PKP1: variants seen among roughly 807,000 people sequenced by gnomAD.
PKP1 encodes the protein plakophilin-1.
In PKP1, 27 loss-of-function variants were observed where a neutral mutation model predicts 76.4. That is an observed-to-expected ratio of 0.35 (90% CI 0.26 to 0.49). The LOEUF (loss-of-function observed/expected upper bound fraction) is 0.49, where lower values mean the gene tolerates loss of function less well. Among genes scored for constraint, PKP1 ranks in the 20% least tolerant of loss-of-function variants. The probability of loss-of-function intolerance (pLI) is 0.99; values close to 1 mark genes in which losing one functional copy is unlikely to be tolerated. For missense variants in PKP1, 964 were observed against 955.2 expected, an observed-to-expected ratio of 1.01 and a Z score of -0.12; for synonymous variants, 404 against 384.2, an observed-to-expected ratio of 1.05 and a Z score of -0.60.
At chr1:201,314,027 G>A (rs558437874) in intron 3 of PKP1, among the ~76,000 whole-genome samples, 1 of 152,348 alleles carries the variant, frequency 6.6e-6, no homozygotes, top group South Asian at 2.1e-4. Flanking sequence ...TCTTAGGCAT[G>A]TAAATCTCTA....
chr1:201,319,941 G>A (rs1656886542), intron 6 of PKP1: 1 of 1,535,598 alleles, frequency 6.5e-7, no homozygotes, highest in Non-Finnish European at 9.0e-7. Context: ...CAGTTATAAA[G>A]TTACTGGGCA....
intron 5 of PKP1, 47 bp downstream of exon 5, chr1:201,317,826 CCA>C (rs772626926): frequency 5.1e-6 from 8 of 1,554,494 alleles, no homozygotes; most frequent in Non-Finnish European, 7.0e-6. Flanking sequence ...CTGTGCAAGG[CCA>C]CTGGCTATGG....
intron 2 of PKP1, among the ~76,000 whole-genome samples, chr1:201,295,605 C>T (rs748390676): frequency 3.3e-5 from 5 of 152,196 alleles, no homozygotes; most frequent in Admixed American, 2.6e-4. Context: ...ACAGATGGTA[C>T]GTGTCTTTAC....
chr1:201,300,213 CA>C (rs1030891431), intron 2 of PKP1, among the ~76,000 whole-genome samples: 1 of 152,254 alleles, frequency 6.6e-6, no homozygotes, highest in African/African-American at 2.4e-5. Flanking sequence ...GGGCCGGCTC[CA>C]GGGGCACCCC....
intron 2 of PKP1, 65 bp from the exon 3 acceptor site, chr1:201,313,101 C>G (rs996483686): frequency 6.5e-7 from 1 of 1,529,520 alleles, no homozygotes; most frequent in African/African-American, 1.4e-5. Flanking sequence ...GTATCTCATG[C>G]CCTGCTGGAT....
intron 2 of PKP1, 128 bp downstream of exon 2, chr1:201,294,173 A>C: frequency 2.8e-6 from 2 of 721,474 alleles, no homozygotes; most frequent in Non-Finnish European, 5.1e-6. Context: ...GTTGAGGCTC[A>C]TCAACTCTGA....
rs72753125 is a variant in PKP1, at chr1:201,316,463, G to A, written c.702-90G>A. On this transcript the variant is annotated intron_variant, in intron 3 of 13. Transcript: ENST00000367324. The stretch of plus-strand genomic sequence containing the variant: ...CTCTCCAGAGGGCAGATGAGGCTGT[G>A]GCAGCTTAGTGTGCTGGGAGGAATT... 4.2e-3 allele frequency: 5,810 copies of A among 1,380,766 alleles called. 11 individuals carry two copies. Among genetic ancestry groups the A allele is most frequent in the Non-Finnish European group, 5.2e-3 (5,182 of 1,002,202 alleles). 85.5% of individuals were successfully genotyped at this position (1,380,766 alleles called of 1,614,324 possible).
At chr1:201,326,685 T>A (rs1273216094) in intron 12 of PKP1, among the ~76,000 whole-genome samples, 1 of 151,824 alleles carries the variant, frequency 6.6e-6, no homozygotes, top group Non-Finnish European at 1.5e-5. Context: ...TGGATGGGAG[T>A]CCAGGCTGGA....
chr1:201,318,369 A>C (rs1656832198), intron 5 of PKP1, among the ~76,000 whole-genome samples: 1 of 152,232 alleles, frequency 6.6e-6, no homozygotes, highest in South Asian at 2.1e-4. Context: ...ATCACTTTCC[A>C]CATGCATAAT....
chr1:201,329,003 A>G, intron 13 of PKP1, 135 bp downstream of exon 13: 1 of 705,996 alleles, frequency 1.4e-6, no homozygotes, highest in South Asian at 1.5e-5. Context: ...CAACACAAGC[A>G]GTTGTGTAGA....
chr1:201,307,710 C>G (rs923452196), intron 2 of PKP1, among the ~76,000 whole-genome samples: 1 of 152,206 alleles, frequency 6.6e-6, no homozygotes, highest in Non-Finnish European at 1.5e-5. Flanking sequence ...GAGAGCCCCT[C>G]ATCTGGGCAC....
chr1:201,314,230 G>T (rs832149), intron 3 of PKP1, among the ~76,000 whole-genome samples: 37 of 152,062 alleles, frequency 2.4e-4, no homozygotes, highest in African/African-American at 8.7e-4. Flanking sequence ...AGGCAGGAGC[G>T]GGTAGAGGGT....
chr1:201,313,240 C>A lies in PKP1; in HGVS notation c.381C>A (p.Ser127Arg). The A allele has an allele frequency of 1.2e-6, 2 of 1,604,548 alleles. No individual in the cohort carries two copies. The highest frequency in any genetic ancestry group is 1.7e-4 in the Middle Eastern group (1 of 6,048). The part of the protein sequence containing the change: ...FSSYSQMENW[S>R]RHYPRGSCNT... Reference sequence around the variant, plus strand: ...CCTACAGCCAGATGGAGAACTGGAGCCGGCACTACCCCCGGGGCAGCTGTA... The same window carrying A: ...CCTACAGCCAGATGGAGAACTGGAGACGGCACTACCCCCGGGGCAGCTGTA... Residue 127 changes from serine (S) to arginine (R), a missense_variant, in exon 3 of 14, where the codon AGC becomes AGA. Coordinates refer to ENST00000367324, the MANE Select transcript of PKP1 (RefSeq NM_001005337.3).
intron 3 of PKP1, among the ~76,000 whole-genome samples, chr1:201,315,596 A>G (rs1656697811): frequency 1.3e-5 from 2 of 152,222 alleles, no homozygotes; most frequent in South Asian, 4.1e-4. Flanking sequence ...GGTACAGTGA[A>G]GGGGACAGTC....
At chr1:201,301,200 G>A (rs1420518097) in intron 2 of PKP1, among the ~76,000 whole-genome samples, 1 of 152,192 alleles carries the variant, frequency 6.6e-6, no homozygotes, top group Non-Finnish European at 1.5e-5. Context: ...AATGGAGAGG[G>A]AAGGCCAGGG....
chr1:201,306,661 T>C (rs1457200914), intron 2 of PKP1, among the ~76,000 whole-genome samples: 1 of 151,970 alleles, frequency 6.6e-6, no homozygotes, highest in Non-Finnish European at 1.5e-5. Context: ...ACTCTGAGGA[T>C]GGGCACCAAA....
At chr1:201,321,936 G>A in intron 7 of PKP1, 42 bp from the exon 8 acceptor site, 2 of 1,612,246 alleles carry the variant, frequency 1.2e-6, no homozygotes, top group South Asian at 1.1e-5. Flanking sequence ...AGCCTGTCGG[G>A]CCGGGCAGAG....
At chr1:201,325,337 A>C (rs1341049151) in intron 11 of PKP1, among the ~76,000 whole-genome samples, 1 of 152,162 alleles carries the variant, frequency 6.6e-6, no homozygotes, top group Non-Finnish European at 1.5e-5. Context: ...CCAGGGCTGC[A>C]TGGAGGGAAG....
At position 201,319,935 on chromosome 1, in the gene PKP1, T is replaced by A. The variant is rs574707835; in HGVS notation, c.1233-332T>A. 4.1e-5 allele frequency: 64 copies of A among 1,560,938 alleles called. 1 individual carries two copies. In the South Asian group the frequency reaches 6.7e-4, roughly 16 times the overall value. On this transcript the variant is annotated intron_variant, in intron 6 of 13. Coordinates refer to ENST00000367324, the MANE Select transcript of PKP1 (RefSeq NM_001005337.3). The stretch of plus-strand genomic sequence containing the variant: ...GTTGCCACATGGAGCCATTGCCAGT[T>A]ATAAAGTTACTGGGCAGAGTGAAGG...
Sources: allele counts gnomAD v4.1 joint callset (sites outside exome capture counted in the v4.1 genomes callset), GRCh38; gene constraint gnomAD v4.1.1; transcripts MANE v1.5; gene names NCBI Gene and HGNC (gene_info 2026-07-23, HGNC 2026-07-21).